The following CADM1 variants were observed in gnomAD, a reference collection of about 807,000 sequenced individuals.
CADM1 encodes cell adhesion molecule 1.
Under a neutral mutation model 53.1 loss-of-function variants are expected in CADM1, and 15 were observed. That is an observed-to-expected ratio of 0.28 (90% CI 0.19 to 0.44). CADM1 has a LOEUF of 0.44. CADM1 is among the 20% of genes least tolerant of loss of function. CADM1 has a pLI of 1.00. For synonymous variants in CADM1, 281 were observed against 243.0 expected (o/e 1.16, Z -1.45); for missense variants, 434 against 611.3 (o/e 0.71, Z 3.06).
rs869231204 is a variant in CADM1, at chr11:115,404,346, AAT to A, written c.124+99923_124+99924del. Among the ~76,000 whole-genome samples the A allele has an allele frequency of 6.1e-3, 207 of 33,726 alleles. 4 individuals are homozygous for A. The highest frequency in any genetic ancestry group is 0.042 in the East Asian group (41 of 978). The allele number at this position is 33,726 out of a possible 152,430, so 22.1% of individuals were successfully genotyped here. On this transcript the variant is annotated intron_variant, in intron 1 of 11. Transcript: ENST00000331581. Reference sequence around the variant, plus strand: ...GTCTCGGAAAAAAAAAAAAAAAAAAAATATATATATATATATATATATATATA... The same window carrying A: ...GTCTCGGAAAAAAAAAAAAAAAAAAAATATATATATATATATATATATATA...
intron 1 of CADM1, among the ~76,000 whole-genome samples, chr11:115,296,747 C>T (rs950635005): frequency 1.3e-5 from 2 of 152,102 alleles, no homozygotes; most frequent in Non-Finnish European, 2.9e-5. Context: ...CAAGACAAAA[C>T]AGAATGAGAC....
chr11:115,477,658 C>A (rs918311510), intron 1 of CADM1, among the ~76,000 whole-genome samples: 2 of 152,234 alleles, frequency 1.3e-5, no homozygotes, highest in African/African-American at 2.4e-5. Context: ...TAAGCTTATA[C>A]ATTGAAAATG....
chr11:115,455,392 C>CA (rs796161656), intron 1 of CADM1, among the ~76,000 whole-genome samples: 1,878 of 142,818 alleles, frequency 0.013, 40 homozygotes, highest in African/African-American at 0.045. Flanking sequence ...ACTTCAAAGG[C>CA]AAAAAAAAAA....
At chr11:115,224,398 G>A (rs1291444023) in intron 5 of CADM1, among the ~76,000 whole-genome samples, 3 of 152,134 alleles carry the variant, frequency 2.0e-5, no homozygotes, top group African/African-American at 4.8e-5. Context: ...TGATGCCCAC[G>A]TATACAATTA....
chr11:115,252,728 C>T (rs1942645940), intron 1 of CADM1, among the ~76,000 whole-genome samples: 2 of 152,066 alleles, frequency 1.3e-5, no homozygotes, highest in Non-Finnish European at 2.9e-5. Context: ...GCAATGCACC[C>T]TTCTCCCTGT....
chr11:115,424,119 A>G (rs1243083810), intron 1 of CADM1, among the ~76,000 whole-genome samples: 1 of 152,210 alleles, frequency 6.6e-6, no homozygotes, highest in Non-Finnish European at 1.5e-5. Context: ...AGGTGGGGAA[A>G]CGACATCCTA....
intron 10 of CADM1, among the ~76,000 whole-genome samples, chr11:115,188,490 T>C (rs1344213272): frequency 1.3e-5 from 2 of 152,176 alleles, no homozygotes; most frequent in Non-Finnish European, 2.9e-5. Flanking sequence ...CTGTCATTAA[T>C]GAAGGTAGCA....
chr11:115,231,311 G>T (rs1437354885), intron 4 of CADM1, 42 bp downstream of exon 4: 2 of 1,609,876 alleles, frequency 1.2e-6, no homozygotes, highest in African/African-American at 2.7e-5. Context: ...ATATCTGCTA[G>T]AATCAGCTAA....
At chr11:115,214,023 T>C (rs1226145753) in intron 7 of CADM1, among the ~76,000 whole-genome samples, 2 of 151,990 alleles carry the variant, frequency 1.3e-5, no homozygotes, top group Non-Finnish European at 2.9e-5. Flanking sequence ...ATAAAATTCA[T>C]GATGTTTTAA....
intron 1 of CADM1, among the ~76,000 whole-genome samples, chr11:115,343,366 G>A (rs1945497277): frequency 6.6e-6 from 1 of 151,980 alleles, no homozygotes; most frequent in Non-Finnish European, 1.5e-5. Flanking sequence ...AACCCAATGG[G>A]GTAAGCACCA....
chr11:115,317,236 G>C (rs538835307), intron 1 of CADM1, among the ~76,000 whole-genome samples: 13 of 152,254 alleles, frequency 8.5e-5, no homozygotes, highest in African/African-American at 2.6e-4. Context: ...CAGCCTTGCA[G>C]ACAGCATGCA....
chr11:115,435,495 G>A (rs1457017186), intron 1 of CADM1, among the ~76,000 whole-genome samples: 2 of 152,166 alleles, frequency 1.3e-5, no homozygotes, highest in African/African-American at 4.8e-5. Flanking sequence ...CACTTTGGGA[G>A]GCCGAGGCAG....
intron 1 of CADM1, among the ~76,000 whole-genome samples, chr11:115,469,746 A>G (rs1294926331): frequency 7.5e-6 from 1 of 132,890 alleles, no homozygotes; most frequent in African/African-American, 2.9e-5. Flanking sequence ...ATCTCAGCTC[A>G]CTGTAACCTC....
At chr11:115,302,440 G>A (rs1205086825) in intron 1 of CADM1, among the ~76,000 whole-genome samples, 1 of 151,968 alleles carries the variant, frequency 6.6e-6, no homozygotes, top group Non-Finnish European at 1.5e-5. Context: ...AAAGAAACTT[G>A]ATGGGAGTTT....
intron 1 of CADM1, among the ~76,000 whole-genome samples, chr11:115,375,882 T>A (rs1240808818): frequency 6.6e-6 from 1 of 152,216 alleles, no homozygotes; most frequent in Non-Finnish European, 1.5e-5. Flanking sequence ...ATTAAATTCA[T>A]ATTTGCTGGT....
intron 1 of CADM1, among the ~76,000 whole-genome samples, chr11:115,372,637 C>T (rs1325355340): frequency 1.3e-5 from 2 of 152,148 alleles, no homozygotes; most frequent in Non-Finnish European, 2.9e-5. Flanking sequence ...AAATTTTTAA[C>T]CAAAGTCTGA....
intron 8 of CADM1, among the ~76,000 whole-genome samples, chr11:115,198,912 A>G (rs906468747): frequency 1.3e-5 from 2 of 152,224 alleles, no homozygotes. Flanking sequence ...TTGACTGCCA[A>G]TTAGGCATCA....
chr11:115,368,110 CTTTTTTTTTTTTTTTTT>C (rs58589028), intron 1 of CADM1, among the ~76,000 whole-genome samples: 1 of 61,866 alleles, frequency 1.6e-5, no homozygotes, highest in African/African-American at 6.8e-5. Flanking sequence ...TCACTAGAGT[CTTTTTTTTTTTTTTTTT>C]TTTTTTTTTT....
intron 1 of CADM1, among the ~76,000 whole-genome samples, chr11:115,295,545 TATATAA>T (rs1565349489): frequency 1.6e-5 from 1 of 62,060 alleles, no homozygotes; most frequent in Non-Finnish European, 2.6e-5. Context: ...TATATATATA[TATATAA>T]TATATATGTA....
Sources: allele counts gnomAD v4.1 joint callset (sites outside exome capture counted in the v4.1 genomes callset), GRCh38; gene constraint gnomAD v4.1.1; transcripts MANE v1.5; gene names NCBI Gene and HGNC (gene_info 2026-07-23, HGNC 2026-07-21).